Variants in USP20 observed in about 807,000 individuals in gnomAD.
USP20 encodes the protein ubiquitin carboxyl-terminal hydrolase 20.
A neutral mutation model predicts 124.2 loss-of-function variants in USP20; 80 were observed. The ratio of observed to expected loss-of-function variants is 0.64; its 90% CI spans 0.54 to 0.78. USP20 has a LOEUF of 0.78. USP20 is among the 30% of genes least tolerant of loss of function. USP20 has a pLI of 0.00. For synonymous variants in USP20, 481 were observed against 512.3 expected (o/e 0.94, Z 0.83); for missense variants, 1,043 against 1,244.4 (o/e 0.84, Z 2.44).
In USP20 at chr9:129,875,598, G is replaced by A. The variant is rs1192757842; in HGVS notation, c.2257G>A (p.Val753Met). The change falls in exon 21 of 26, where the codon GTG (valine) becomes ATG (methionine). Residue 753 changes from valine to methionine, a missense_variant. Transcript: ENST00000372429. ...PHKYHYIDDL[V>M]VILPQNVWEH... ...CAAATACCACTACATCGACGACCTG[G>A]TGGTCATCCTGCCCCAGAACGTCTG... The A allele has an allele frequency of 2.5e-6, 4 of 1,613,950 alleles. No homozygotes were observed. The highest frequency in any genetic ancestry group is 3.3e-5 in the Admixed American group (2 of 59,996).
At chr9:129,856,239 G>C (rs748539712) in intron 3 of USP20, 68 bp from the exon 4 acceptor site, 1 of 1,511,512 alleles carries the variant, frequency 6.6e-7, no homozygotes, top group African/African-American at 1.4e-5. Flanking sequence ...GGCAGGAGCA[G>C]TCTCAGTGCT....
intron 11 of USP20, 55 bp downstream of exon 11, chr9:129,868,504 C>T: frequency 6.4e-7 from 1 of 1,551,000 alleles, no homozygotes; most frequent in South Asian, 1.2e-5. Flanking sequence ...CCAGTACCTA[C>T]CGGGTGCTGA....
intron 3 of USP20, among the ~76,000 whole-genome samples, chr9:129,855,708 A>G (rs986674640): frequency 1.8e-4 from 27 of 152,210 alleles, no homozygotes; most frequent in African/African-American, 6.5e-4. Flanking sequence ...CATCTGCAGC[A>G]GGCTAGCTGT....
intron 1 of USP20, among the ~76,000 whole-genome samples, chr9:129,846,187 C>G (rs535278374): frequency 2.2e-3 from 323 of 148,728 alleles, no homozygotes; most frequent in African/African-American, 7.7e-3. Flanking sequence ...CCTCGGCCTC[C>G]CAAAGTGCTG....
chr9:129,880,334 C>A (rs1216176978), intron 25 of USP20, 45 bp downstream of exon 25: 2 of 1,516,496 alleles, frequency 1.3e-6, no homozygotes, highest in Non-Finnish European at 1.8e-6. Flanking sequence ...TGGGTCCTCT[C>A]CTCACTCTCC....
Position 129,852,734 on chromosome 9 carries a change from G to A in USP20, c.81+98G>A. 4.1e-6 allele frequency: 5 copies of A among 1,207,016 alleles called. No homozygotes were observed. The South Asian group carries it at 6.8e-5, about 16-fold the overall frequency. The allele number at this position is 1,207,016 out of a possible 1,614,324, so 74.8% of individuals were successfully genotyped here. On this transcript the variant is annotated intron_variant, in intron 3 of 25. Coordinates refer to ENST00000372429, the MANE Select transcript of USP20 (RefSeq NM_001110303.4). ...GAAGCAGTGGAAAAACTGGTTCCCT[G>A]ACAGTCTCTGCTCAGCTTTCTGTGT...
In USP20 at chr9:129,839,594, C is replaced by A. The variant is rs56713359; in HGVS notation, c.-129+4095C>A. Among the ~76,000 whole-genome samples, 28,525 of 151,338 alleles carry A rather than the reference C, an allele frequency of 0.19. 3,220 individuals carry two copies. Among genetic ancestry groups the A allele is most frequent in the Middle Eastern group, 0.26 (77 of 292 alleles). On this transcript the variant is annotated intron_variant, in intron 1 of 25. Transcript: ENST00000372429. This position sits in a 1 kb window ranked among gnomAD's most constrained non-coding sequence, Gnocchi z 4.5. ...AAGGGTGTGCGAGGGCCAGAGGGGA[C>A]TGTGGAGGGGGTGGGCACACACCCT...
chr9:129,846,248 T>TATATATATATATA (rs1491285186), intron 1 of USP20, among the ~76,000 whole-genome samples: 1 of 40,606 alleles, frequency 2.5e-5, no homozygotes, highest in African/African-American at 1.2e-4. Flanking sequence ...TATATATATA[T>TATATATATATATA]TTTTTTTTTT....
chr9:129,866,067 T>C (rs1413457979), intron 10 of USP20, among the ~76,000 whole-genome samples: 1 of 152,262 alleles, frequency 6.6e-6, no homozygotes, highest in Non-Finnish European at 1.5e-5. Flanking sequence ...AGCCCCGGGC[T>C]GATGGCTCCT....
chr9:129,874,514 C>A, intron 17 of USP20, 62 bp from the exon 18 acceptor site: 1 of 1,591,550 alleles, frequency 6.3e-7, no homozygotes, highest in South Asian at 1.1e-5. Context: ...GGCCCGTGGG[C>A]AAGGCTGCGA....
At chr9:129,848,605 A>G (rs961788685) in intron 1 of USP20, among the ~76,000 whole-genome samples, 2 of 151,876 alleles carry the variant, frequency 1.3e-5, no homozygotes, top group Admixed American at 6.6e-5. Flanking sequence ...GTGAGCCAAG[A>G]TCATGCCACT....
At position 129,858,037 on chromosome 9, in the gene USP20, CCT is replaced by C; in HGVS notation, c.136-8_136-7del. On this transcript the variant is annotated splice_polypyrimidine_tract_variant and intron_variant, in intron 4 of 25. Coordinates refer to ENST00000372429, the MANE Select transcript of USP20 (RefSeq NM_001110303.4). ...GGCAAGCTCCAGTCCACTCTCCTTC[CCT>C]CTCTTCCCAGGTTGCCTGCCCCTAT... The C allele has an allele frequency of 3.1e-6, 5 of 1,612,910 alleles. No individual in the cohort carries two copies. The highest frequency in any genetic ancestry group is 4.2e-6 in the Non-Finnish European group (5 of 1,179,112).
Position 129,852,583 on chromosome 9 carries a change from C to A in USP20, c.28C>A (p.His10Asn). ...GGGGGACTCCAGGGACCTTTGCCCT[C>A]ACCTTGACTCCATAGGAGAGGTGAC... MGDSRDLCP[H>N]LDSIGEVTKE... Residue 10 changes from histidine to asparagine, a missense_variant, in exon 3 of 26, where the codon CAC becomes AAC. Physicochemically the swap from His to Asn is moderately conservative, Grantham distance 68 (BLOSUM62 1). Transcript: ENST00000372429. The A allele has an allele frequency of 6.3e-7, 1 of 1,599,914 alleles. No individual in the cohort carries two copies. Among genetic ancestry groups the A allele is most frequent in the East Asian group, 2.2e-5 (1 of 44,542 alleles).
Position 129,863,164 on chromosome 9 carries a change from GCTCT to G in USP20, c.498-16_498-13del. 6.7e-7 allele frequency: 1 copy of G among 1,500,896 alleles called. No homozygotes were observed. Among genetic ancestry groups the G allele is most frequent in the Non-Finnish European group, 9.0e-7 (1 of 1,109,800 alleles). The allele number at this position is 1,500,896 out of a possible 1,614,324, so 93.0% of individuals were successfully genotyped here. ...ATGCCTCATTTGCTCTCCTGACCTG[GCTCT>G]CTCTCCCCTGCACCCAGCCCGCCGC... On this transcript the variant is annotated intron_variant, in intron 8 of 25. Coordinates refer to ENST00000372429, the MANE Select transcript of USP20 (RefSeq NM_001110303.4).
chr9:129,870,039 G>T, intron 14 of USP20, 195 bp downstream of exon 14: 1 of 671,586 alleles, frequency 1.5e-6, no homozygotes, highest in South Asian at 1.9e-5. Flanking sequence ...GGCCAGGATT[G>T]GATAGTCCCT....
chr9:129,840,622 T>C (rs1171790493), intron 1 of USP20, among the ~76,000 whole-genome samples: 3 of 152,210 alleles, frequency 2.0e-5, no homozygotes, highest in African/African-American at 7.2e-5. Flanking sequence ...CTAATCTCTA[T>C]AGTTATTGTC....
chr9:129,870,589 G>A (rs774267103), intron 15 of USP20, 42 bp downstream of exon 15: 5 of 1,606,140 alleles, frequency 3.1e-6, no homozygotes, highest in Non-Finnish European at 4.3e-6. Context: ...GTGGAGGGTT[G>A]TGGGGACGGG....
intron 1 of USP20, among the ~76,000 whole-genome samples, chr9:129,848,571 T>A (rs527741170): frequency 7.9e-5 from 12 of 151,576 alleles, no homozygotes; most frequent in African/African-American, 2.7e-4. Context: ...GAGAATTTCA[T>A]GAACCCGGGA....
At position 129,870,572 on chromosome 9, in the gene USP20, C is replaced by A. The variant is rs781171731; in HGVS notation, c.1660+25C>A. On this transcript the variant is annotated intron_variant, in intron 15 of 25. Transcript: ENST00000372429. ...GGTGAGGGGCCTGGCTGGCAAGGGT[C>A]GGGGAGGTGGAGGGTTGTGGGGACG... The A allele has an allele frequency of 2.5e-6, 4 of 1,612,700 alleles. No individual in the cohort carries two copies. The African/African-American group carries it at 5.3e-5, about 22-fold the overall frequency.
Sources: gnomAD v4.1 joint callset for allele counts (sites outside exome capture counted in the v4.1 genomes callset) on GRCh38, gnomAD v4.1.1 for gene constraint, Gnocchi (gnomAD v3.1) non-coding constraint, MANE v1.5 for transcripts, NCBI Gene and HGNC (gene_info 2026-07-23, HGNC 2026-07-21) for gene names.